The following BTN2A1 variants were observed in gnomAD, a reference collection of about 807,000 sequenced individuals.
BTN2A1 encodes the protein butyrophilin, subfamily 2, member A1.
Under a neutral mutation model 34.5 loss-of-function variants are expected in BTN2A1, and 41 were observed. That is an observed-to-expected ratio of 1.19 (90% CI 0.93 to 1.54). The LOEUF is 1.54. BTN2A1 is among the 40% of genes most tolerant of loss of function. The probability of loss-of-function intolerance (pLI) is 0.00; values close to 1 mark genes in which losing one functional copy is unlikely to be tolerated. For synonymous variants in BTN2A1, 267 were observed against 258.6 expected (o/e 1.03, Z -0.31); for missense variants, 642 against 662.0 (o/e 0.97, Z 0.33).
chr6:26,458,230 C>G (rs963700989), intron 1 of BTN2A1, 88 bp downstream of exon 1: 1 of 209,528 alleles, frequency 4.8e-6, no homozygotes, highest in Non-Finnish European at 9.7e-6. Flanking sequence ...AGACGGGGTC[C>G]TGGGACAGGG....
intron 7 of BTN2A1, among the ~76,000 whole-genome samples, chr6:26,466,972 ATGT>A (rs1389848028): frequency 6.6e-6 from 1 of 152,230 alleles, no homozygotes; most frequent in Non-Finnish European, 1.5e-5. Flanking sequence ...CATCAGACCC[ATGT>A]TGTTGAAGCA....
chr6:26,470,619 T>G (rs1763432919), downstream of BTN2A1, among the ~76,000 whole-genome samples: 1 of 152,112 alleles, frequency 6.6e-6, no homozygotes, highest in Non-Finnish European at 1.5e-5. Flanking sequence ...TTTGGGCACC[T>G]TCCAATCAGC....
chr6:26,473,281 G>A (rs894185151), downstream of BTN2A1, among the ~76,000 whole-genome samples: 1 of 152,052 alleles, frequency 6.6e-6, no homozygotes, highest in Admixed American at 6.6e-5. Flanking sequence ...TCTACCCAAA[G>A]GTTAACCTTA....
chr6:26,463,961 C>T (rs1466962513), intron 4 of BTN2A1, among the ~76,000 whole-genome samples: 5 of 152,030 alleles, frequency 3.3e-5, no homozygotes, highest in Non-Finnish European at 5.9e-5. Context: ...CCACCACACC[C>T]GGCTAATTTT....
intron 3 of BTN2A1, chr6:26,462,659 A>G (rs969457231): frequency 9.7e-6 from 4 of 412,246 alleles, no homozygotes; most frequent in Non-Finnish European, 1.8e-5. Context: ...CCTAAAAACC[A>G]TCACCTCCTA....
chr6:26,465,287 T>G lies in BTN2A1; in HGVS notation c.815T>G (p.Leu272Arg). ...GTATGCATCTATTGGATCAACAAACTCCAAAAGGAAAAAAAGATTCTGTCA... is the reference window on the plus strand; with the variant it reads ...GTATGCATCTATTGGATCAACAAACGCCAAAAGGAAAAAAAGATTCTGTCA... ...IAVCIYWINK[L>R]QKEKKILSGE... Residue 272 changes from leucine (L) to arginine (R), a missense_variant, in exon 5 of 8, where the codon CTC becomes CGC. Coordinates refer to ENST00000312541, the MANE Select transcript of BTN2A1 (RefSeq NM_007049.5). 6.2e-7 allele frequency: 1 copy of G among 1,613,854 alleles called. No homozygotes were observed. Among genetic ancestry groups the G allele is most frequent in the Non-Finnish European group, 8.5e-7 (1 of 1,179,956 alleles).
chr6:26,464,557 C>T (rs1303210506), intron 4 of BTN2A1, among the ~76,000 whole-genome samples: 2 of 152,082 alleles, frequency 1.3e-5, no homozygotes, highest in Non-Finnish European at 2.9e-5. Context: ...TGCTTAAGGA[C>T]TGAACAACCC....
At chr6:26,472,974 C>T (rs527353917), downstream of BTN2A1, among the ~76,000 whole-genome samples, 12 of 152,176 alleles carry the variant, frequency 7.9e-5, no homozygotes, top group African/African-American at 2.9e-4. Context: ...TCAAAGATGG[C>T]CACAACAGTG....
intron 7 of BTN2A1, among the ~76,000 whole-genome samples, chr6:26,475,862 G>C (rs935431804): frequency 2.6e-5 from 4 of 152,114 alleles, no homozygotes; most frequent in African/African-American, 9.7e-5. Context: ...AAGGATAATG[G>C]GGGAGGATGG....
At chr6:26,473,248 C>T (rs1055468181), downstream of BTN2A1, among the ~76,000 whole-genome samples, 8 of 152,260 alleles carry the variant, frequency 5.3e-5, no homozygotes, top group Non-Finnish European at 1.2e-4. Context: ...AGCAAGGACC[C>T]CTTACAAAGA....
chr6:26,470,380 A>ACCCC (rs11394562), downstream of BTN2A1, among the ~76,000 whole-genome samples: 10 of 141,784 alleles, frequency 7.1e-5, no homozygotes, highest in African/African-American at 2.1e-4. Context: ...TATGTCAGAG[A>ACCCC]CCCCCCCCAC....
chr6:26,470,671 T>G (rs1230998145), downstream of BTN2A1, among the ~76,000 whole-genome samples: 1 of 150,868 alleles, frequency 6.6e-6, no homozygotes, highest in Non-Finnish European at 1.5e-5. Flanking sequence ...AGGTGAATTC[T>G]CTCTCTCTCT....
chr6:26,463,630 T>TCCTTA, intron 4 of BTN2A1, 105 bp downstream of exon 4: 2 of 1,352,550 alleles, frequency 1.5e-6, no homozygotes, highest in Non-Finnish European at 2.0e-6. Flanking sequence ...GAAATAGTCC[T>TCCTTA]GGGCCCTAAG....
Position 26,468,138 on chromosome 6 carries a change from G to C in BTN2A1, c.1173G>C (p.Glu391Asp). The change falls in exon 8 of 8, where the codon GAG (glutamate) becomes GAC (aspartate). Residue 391 changes from glutamate (E) to aspartate (D), a missense_variant. Transcript: ENST00000312541. Reference sequence around the variant, plus strand: ...CAGGGAAACATTACTGGGAGGTGGAGGTGGAAAACGTGATTGAGTGGACTG... The same window carrying C: ...CAGGGAAACATTACTGGGAGGTGGACGTGGAAAACGTGATTGAGTGGACTG... ...FASGKHYWEV[E>D]VENVIEWTVG... 4 of 1,614,194 alleles carry C rather than the reference G, an allele frequency of 2.5e-6. No homozygotes were observed. Among genetic ancestry groups the C allele is most frequent in the Non-Finnish European group, 3.4e-6 (4 of 1,180,038 alleles).
At chr6:26,470,055 A>T (rs1009283902), downstream of BTN2A1, among the ~76,000 whole-genome samples, 1 of 151,998 alleles carries the variant, frequency 6.6e-6, no homozygotes, top group Non-Finnish European at 1.5e-5. Flanking sequence ...GCCTCAAAAA[A>T]CCAAAACACA....
intron 3 of BTN2A1, among the ~76,000 whole-genome samples, chr6:26,461,847 C>T (rs1259811941): frequency 6.6e-6 from 1 of 150,948 alleles, no homozygotes; most frequent in Non-Finnish European, 1.5e-5. Context: ...AAAATCCAGT[C>T]TCTACAAAAA....
intron 7 of BTN2A1, 133 bp from the exon 8 acceptor site, chr6:26,467,815 A>G: frequency 3.8e-6 from 6 of 1,558,770 alleles, no homozygotes; most frequent in Non-Finnish European, 5.2e-6. Context: ...GCCTAGGATC[A>G]GAGAGCCTTC....
chr6:26,468,254 A>G lies in BTN2A1; in HGVS notation c.1289A>G (p.Gln430Arg). 6.2e-7 allele frequency: 1 copy of G among 1,613,478 alleles called. No homozygotes were observed. Among genetic ancestry groups the G allele is most frequent in the Non-Finnish European group, 8.5e-7 (1 of 1,179,380 alleles). ...GFWTLEMHKG[Q>R]YRAVSSPDRI... ...TGGACCTTGGAGATGCATAAAGGGC[A>G]ATACCGGGCCGTGTCCTCCCCTGAT... Residue 430 changes from glutamine to arginine, a missense_variant, in exon 8 of 8, where the codon CAA becomes CGA. Transcript: ENST00000312541.
At chr6:26,466,203 G>A (rs564561075) in intron 7 of BTN2A1, 115 bp downstream of exon 7, 289 of 1,508,712 alleles carry the variant, frequency 1.9e-4, no homozygotes, top group African/African-American at 1.2e-3. Context: ...AGCAGGGAAC[G>A]GGGGTCAGTT....
Sources: gnomAD v4.1 joint callset for allele counts (sites outside exome capture counted in the v4.1 genomes callset) on GRCh38, gnomAD v4.1.1 for gene constraint, MANE v1.5 for transcripts, NCBI Gene and HGNC (gene_info 2026-07-23, HGNC 2026-07-21) for gene names.